SKI: variants seen among roughly 807,000 people sequenced by gnomAD.
SKI encodes SKI proto-oncogene, also known as ski oncogene.
Under a neutral mutation model 59.3 loss-of-function variants are expected in SKI, and 23 were observed. That is an observed-to-expected ratio of 0.39 (90% CI 0.28 to 0.55). SKI has a LOEUF of 0.55. Among genes scored for constraint, SKI ranks in the 20% least tolerant of loss-of-function variants. The pLI is 0.67. For missense variants in SKI, 1,017 were observed against 1,038.9 expected (o/e 0.98, Z 0.29); for synonymous variants, 673 against 488.6 (o/e 1.38, Z -4.98).
chr1:2,284,381 A>G (rs1392207391), intron 1 of SKI, among the ~76,000 whole-genome samples: 1 of 152,206 alleles, frequency 6.6e-6, no homozygotes, highest in African/African-American at 2.4e-5. Flanking sequence ...GGGTCAGCAC[A>G]GTAGAGGCGG....
intron 1 of SKI, among the ~76,000 whole-genome samples, chr1:2,274,209 G>A (rs1639692352): frequency 6.6e-6 from 1 of 152,114 alleles, no homozygotes; most frequent in African/African-American, 2.4e-5. Context: ...CATGTGCTTT[G>A]CCTGCTTTCC....
Position 2,306,381 on chromosome 1 carries a change from C to A in SKI, c.1998+131C>A, listed in dbSNP as rs1028099696. 28 of 1,019,986 alleles carry A rather than the reference C, an allele frequency of 2.7e-5. No homozygotes were observed. The South Asian group carries it at 4.5e-4, about 16-fold the overall frequency. 63.2% of individuals were successfully genotyped at this position (1,019,986 alleles called of 1,614,324 possible). A position where few individuals can be genotyped will look rare whatever the true frequency, so the allele number is the denominator to read the frequency against. ...GGCCCGGGACCACGTTCCGTGCGTGCCCCCCCGACGGGCACAGGGTGGGTG... is the reference window on the plus strand; with the variant it reads ...GGCCCGGGACCACGTTCCGTGCGTGACCCCCCGACGGGCACAGGGTGGGTG... On this transcript the variant is annotated intron_variant, in intron 6 of 6. Coordinates refer to ENST00000378536, the MANE Select transcript of SKI (RefSeq NM_003036.4).
intron 1 of SKI, among the ~76,000 whole-genome samples, chr1:2,293,641 C>T (rs1040319273): frequency 5.9e-5 from 9 of 152,200 alleles, no homozygotes; most frequent in African/African-American, 9.6e-5. Flanking sequence ...CTCATTCCCC[C>T]GTGTCTTGCT....
chr1:2,228,470 C>T lies in SKI; in HGVS notation c.-297C>T, dbSNP rs1337093996. On this transcript the variant is annotated 5_prime_UTR_variant, in exon 1 of 7. Coordinates refer to ENST00000378536, the MANE Select transcript of SKI (RefSeq NM_003036.4). Reference sequence around the variant, plus strand: ...CGGGGCATGCCCCGCGCCTAGAGCCCGGGGGGCGCGCGGGGGACGCGCGGG... The same window carrying T: ...CGGGGCATGCCCCGCGCCTAGAGCCTGGGGGGCGCGCGGGGGACGCGCGGG... 1.4e-5 allele frequency among the ~76,000 whole-genome samples: 2 copies of T among 139,270 alleles called. No homozygotes were observed. The highest frequency in any genetic ancestry group is 3.1e-5 in the Non-Finnish European group (2 of 63,572). The allele number at this position is 139,270 out of a possible 152,430, so 91.4% of individuals were successfully genotyped here.
chr1:2,263,127 C>T (rs1171024482), intron 1 of SKI, among the ~76,000 whole-genome samples: 1 of 152,160 alleles, frequency 6.6e-6, no homozygotes, highest in Non-Finnish European at 1.5e-5. Flanking sequence ...TCCCGAACTC[C>T]TGACCTCAAG....
intron 1 of SKI, among the ~76,000 whole-genome samples, chr1:2,241,114 C>T (rs572241259): frequency 2.6e-5 from 4 of 152,340 alleles, no homozygotes; most frequent in South Asian, 2.1e-4. Flanking sequence ...TGGGGCCCTG[C>T]GGGCTCCATC....
chr1:2,246,117 G>A (rs1038905392), intron 1 of SKI, among the ~76,000 whole-genome samples: 60 of 152,312 alleles, frequency 3.9e-4, no homozygotes, highest in African/African-American at 1.4e-3. Context: ...TTAAAGAACC[G>A]ACTGTTTTTC....
In SKI at chr1:2,306,781, C is replaced by T. The variant is rs777412251; in HGVS notation, c.*16C>T. 8 of 1,485,372 alleles carry T rather than the reference C, an allele frequency of 5.4e-6. No individual in the cohort carries two copies. The highest frequency in any genetic ancestry group is 7.1e-6 in the Non-Finnish European group (8 of 1,121,878). The allele number at this position is 1,485,372 out of a possible 1,614,324, so 92.0% of individuals were successfully genotyped here. On this transcript the variant is annotated 3_prime_UTR_variant, in exon 7 of 7. Transcript: ENST00000378536. ...GGAGCCGTAGATTCCGTGCCTGCCGCCGCAGCGCCGCCGACAACGCGGGTG... is the reference window on the plus strand; with the variant it reads ...GGAGCCGTAGATTCCGTGCCTGCCGTCGCAGCGCCGCCGACAACGCGGGTG...
Position 2,246,774 on chromosome 1 carries a change from C to T in SKI, c.969+17039C>T, listed in dbSNP as rs935024824. Among the ~76,000 whole-genome samples the T allele has an allele frequency of 2.0e-4, 30 of 152,208 alleles. 1 individual carries two copies. Among genetic ancestry groups the T allele is most frequent in the African/African-American group, 7.2e-4 (30 of 41,542 alleles). ...AGGGAGTCTCAGAGAGTGCGGCAGTCGGGCCTGATGGGGCTGCTCTTCTGT... is the reference window on the plus strand; with the variant it reads ...AGGGAGTCTCAGAGAGTGCGGCAGTTGGGCCTGATGGGGCTGCTCTTCTGT... On this transcript the variant is annotated intron_variant, in intron 1 of 6. Transcript: ENST00000378536.
At position 2,306,220 on chromosome 1, in the gene SKI, G is replaced by A. The variant is rs754572866; in HGVS notation, c.1968G>A (p.Ala656=). Residue 656 remains alanine (A), a synonymous_variant, in exon 6 of 7, where the codon GCG becomes GCA. Transcript: ENST00000378536. ...GGGTGTGCGACAAGGGCTGCGAGGCGGGCCGCCTGCGCGCCAAGTACTCGG... is the reference window on the plus strand; with the variant it reads ...GGGTGTGCGACAAGGGCTGCGAGGCAGGCCGCCTGCGCGCCAAGTACTCGG... The part of the protein sequence containing the change: ...QARVCDKGCE[A]GRLRAKYSAQ... 16 of 1,564,900 alleles carry A rather than the reference G, an allele frequency of 1.0e-5. No individual in the cohort carries two copies. Among genetic ancestry groups the A allele is most frequent in the South Asian group, 3.5e-5 (3 of 85,374 alleles).
At chr1:2,249,929 C>T (rs1412774798) in intron 1 of SKI, among the ~76,000 whole-genome samples, 1 of 151,720 alleles carries the variant, frequency 6.6e-6, no homozygotes, top group African/African-American at 2.4e-5. Context: ...TTTTTTGATA[C>T]AGTGTCACTC....
intron 1 of SKI, among the ~76,000 whole-genome samples, chr1:2,280,197 G>A (rs1000121780): frequency 7.3e-5 from 11 of 150,492 alleles, no homozygotes; most frequent in African/African-American, 1.2e-4. Context: ...GTGAAACCAC[G>A]TATCTACTAA....
Position 2,267,332 on chromosome 1 carries a change from T to A in SKI, c.970-35646T>A, listed in dbSNP as rs1639521102. 6.6e-6 allele frequency among the ~76,000 whole-genome samples: 1 copy of A among 152,176 alleles called. No individual in the cohort carries two copies. Among genetic ancestry groups the A allele is most frequent in the Non-Finnish European group, 1.5e-5 (1 of 68,038 alleles). ...GCTTGCGCGGGCTGCGGTGGAGTTCTGGGGTTTGTTTGTGGGCATTTCCAG... is the reference window on the plus strand; with the variant it reads ...GCTTGCGCGGGCTGCGGTGGAGTTCAGGGGTTTGTTTGTGGGCATTTCCAG... On this transcript the variant is annotated intron_variant, in intron 1 of 6. Coordinates refer to ENST00000378536, the MANE Select transcript of SKI (RefSeq NM_003036.4). This position sits in a 1 kb window ranked among gnomAD's most constrained non-coding sequence, Gnocchi z 4.1.
chr1:2,287,986 CTT>C (rs796307847), intron 1 of SKI, among the ~76,000 whole-genome samples: 1 of 147,556 alleles, frequency 6.8e-6, no homozygotes, highest in Admixed American at 6.8e-5. Context: ...TCTTTTCTTT[CTT>C]TTTTTTTTTT....
At chr1:2,293,352 C>T (rs958703794) in intron 1 of SKI, among the ~76,000 whole-genome samples, 38 of 152,034 alleles carry the variant, frequency 2.5e-4, no homozygotes, top group Non-Finnish European at 5.9e-5. Flanking sequence ...TGGTGTTGCC[C>T]GTGGGCCTGG....
At chr1:2,236,007 C>T (rs528702026) in intron 1 of SKI, among the ~76,000 whole-genome samples, 2 of 152,350 alleles carry the variant, frequency 1.3e-5, no homozygotes, top group South Asian at 2.1e-4. Context: ...AGATTCTGTT[C>T]GGTGCTTGGT....
intron 1 of SKI, among the ~76,000 whole-genome samples, chr1:2,280,289 T>C (rs1639844353): frequency 6.6e-6 from 1 of 150,410 alleles, no homozygotes; most frequent in African/African-American, 2.5e-5. Flanking sequence ...GGCAGGAGAA[T>C]CGCTTGACCC....
chr1:2,293,567 G>GT (rs1169901352), intron 1 of SKI, among the ~76,000 whole-genome samples: 1 of 152,172 alleles, frequency 6.6e-6, no homozygotes, highest in East Asian at 1.9e-4. Context: ...TCTTTGAACG[G>GT]TTTTTATTCT....
chr1:2,304,429 G>A lies in SKI; in HGVS notation c.1611G>A (p.Gly537=). 6.4e-7 allele frequency: 1 copy of A among 1,558,324 alleles called. No individual in the cohort carries two copies. The highest frequency in any genetic ancestry group is 8.7e-7 in the Non-Finnish European group (1 of 1,151,996). Residue 537 remains glycine (G), a synonymous_variant, in exon 5 of 7, where the codon GGG becomes GGA. Transcript: ENST00000378536. ...DAAAPADAPS[G]LEAELEHLRQ... ...CGGCCCCTGCCGACGCCCCCAGTGG[G>A]CTGGAGGCGGAGCTGGAGCACCTGC...
Sources: allele counts gnomAD v4.1 joint callset (sites outside exome capture counted in the v4.1 genomes callset), GRCh38; gene constraint gnomAD v4.1.1; non-coding constraint Gnocchi (gnomAD v3.1); transcripts MANE v1.5; gene names NCBI Gene and HGNC (gene_info 2026-07-23, HGNC 2026-07-21).